Variants in CSMD1 observed in about 807,000 individuals in gnomAD.
The protein encoded by CSMD1 is CUB and sushi domain-containing protein 1.
CSMD1 carries 213 observed loss-of-function variants against 417.5 expected under a neutral mutation model. The ratio of observed to expected loss-of-function variants is 0.51; its 90% CI spans 0.46 to 0.57. The LOEUF is 0.57. CSMD1 is among the 20% of genes least tolerant of loss of function. The pLI is 0.00. For synonymous variants in CSMD1, 2,862 were observed against 1,736.8 expected (o/e 1.65, Z -16.11); for missense variants, 6,923 against 4,529.7 (o/e 1.53, Z -15.17).
chr8:4,688,637 T>C (rs1435183005), intron 1 of CSMD1, among the ~76,000 whole-genome samples: 1 of 152,066 alleles, frequency 6.6e-6, no homozygotes, highest in African/African-American at 2.4e-5. Flanking sequence ...TCAGAGCCAT[T>C]TGGGGGGGTC....
intron 1 of CSMD1, among the ~76,000 whole-genome samples, chr8:4,817,957 A>G (rs1428408198): frequency 6.6e-6 from 1 of 152,214 alleles, no homozygotes; most frequent in African/African-American, 2.4e-5. Flanking sequence ...CCCTAGCATT[A>G]GGTACAGTTA....
At chr8:4,124,779 G>C (rs558948113) in intron 3 of CSMD1, among the ~76,000 whole-genome samples, 176 of 152,204 alleles carry the variant, frequency 1.2e-3, no homozygotes, top group African/African-American at 3.3e-3. Flanking sequence ...AATCATATAG[G>C]AAGTTTAAGC....
At chr8:4,492,797 T>C (rs1376644077) in intron 2 of CSMD1, among the ~76,000 whole-genome samples, 1 of 152,204 alleles carries the variant, frequency 6.6e-6, no homozygotes, top group Admixed American at 6.5e-5. Flanking sequence ...TCTTGATCCT[T>C]ATTCAGAGCA....
At chr8:3,534,683 T>A (rs1430333336) in intron 10 of CSMD1, among the ~76,000 whole-genome samples, 2 of 152,248 alleles carry the variant, frequency 1.3e-5, no homozygotes, top group African/African-American at 4.8e-5. Flanking sequence ...AACCATTGTG[T>A]ACATCCTTTT....
At chr8:4,288,972 C>A (rs1420724882) in intron 3 of CSMD1, among the ~76,000 whole-genome samples, 1 of 152,028 alleles carries the variant, frequency 6.6e-6, no homozygotes, top group East Asian at 1.9e-4. Flanking sequence ...AATGGTGATA[C>A]GTGCATAAAA....
At chr8:3,309,733 G>T (rs1459930251) in intron 23 of CSMD1, among the ~76,000 whole-genome samples, 1 of 152,156 alleles carries the variant, frequency 6.6e-6, no homozygotes, top group Admixed American at 6.6e-5. Context: ...AAATGAATTT[G>T]TGACTTCTGC....
intron 3 of CSMD1, among the ~76,000 whole-genome samples, chr8:4,359,255 C>CT (rs1166083384): frequency 6.6e-6 from 1 of 152,162 alleles, no homozygotes; most frequent in East Asian, 1.9e-4. Context: ...TTACTTCACT[C>CT]TTCAAGAATA....
chr8:3,388,928 C>G (rs1213996408), intron 17 of CSMD1, among the ~76,000 whole-genome samples: 1 of 101,058 alleles, frequency 9.9e-6, no homozygotes, highest in Non-Finnish European at 2.1e-5. Context: ...CACACACACA[C>G]ACACACACAC....
chr8:4,188,475 C>G (rs1563244870), intron 3 of CSMD1, among the ~76,000 whole-genome samples: 1 of 152,014 alleles, frequency 6.6e-6, no homozygotes, highest in Non-Finnish European at 1.5e-5. Context: ...GGAAAAGGGT[C>G]CATCAACCAT....
intron 1 of CSMD1, among the ~76,000 whole-genome samples, chr8:4,806,827 T>C (rs1320024369): frequency 6.6e-6 from 1 of 152,100 alleles, no homozygotes; most frequent in Admixed American, 6.5e-5. Flanking sequence ...AGGGAAGCAG[T>C]AAAAGATGAA....
intron 25 of CSMD1, among the ~76,000 whole-genome samples, chr8:3,295,459 G>C (rs530992966): frequency 2.4e-4 from 36 of 152,080 alleles, no homozygotes; most frequent in African/African-American, 8.0e-4. Flanking sequence ...GGGAGAGACC[G>C]TTATACTGAA....
intron 1 of CSMD1, among the ~76,000 whole-genome samples, chr8:4,910,252 T>C: frequency 6.6e-6 from 1 of 152,048 alleles, no homozygotes; most frequent in East Asian, 1.9e-4. Flanking sequence ...TACACTTCCA[T>C]TGTATTATCT....
At chr8:3,594,895 G>T (rs935827802) in intron 8 of CSMD1, among the ~76,000 whole-genome samples, 13 of 152,236 alleles carry the variant, frequency 8.5e-5, no homozygotes, top group African/African-American at 3.1e-4. Context: ...AATACCTTTG[G>T]AACTAATGTG....
rs144702360 is a variant in CSMD1, at chr8:3,983,328, C to T, written c.818+14575G>A. On this transcript the variant is annotated intron_variant, in intron 5 of 69. Coordinates refer to ENST00000635120, the MANE Select transcript of CSMD1 (RefSeq NM_033225.6). The stretch of plus-strand genomic sequence containing the variant: ...TGTATTTTTAGTAGAGATGGGGTTT[C>T]ACCGTGTTGGCCAGGATGGTCTCCA... Among the ~76,000 whole-genome samples the T allele has an allele frequency of 6.1e-3, 923 of 152,132 alleles. 13 individuals are homozygous for T. Among genetic ancestry groups the T allele is most frequent in the African/African-American group, 0.021 (889 of 41,498 alleles).
chr8:4,243,243 C>T (rs1418793563), intron 3 of CSMD1, among the ~76,000 whole-genome samples: 1 of 152,106 alleles, frequency 6.6e-6, no homozygotes, highest in Admixed American at 6.5e-5. Context: ...AAGGGGAGAT[C>T]ACCAGCTCAG....
intron 1 of CSMD1, among the ~76,000 whole-genome samples, chr8:4,918,526 T>C (rs1806222302): frequency 6.6e-6 from 1 of 151,812 alleles, no homozygotes; most frequent in South Asian, 2.1e-4. Context: ...GACAGGGATA[T>C]AAATGTGAAA....
At chr8:3,103,309 C>T (rs1815891932) in intron 46 of CSMD1, among the ~76,000 whole-genome samples, 1 of 152,086 alleles carries the variant, frequency 6.6e-6, no homozygotes, top group Non-Finnish European at 1.5e-5. Context: ...GTTATTGGGA[C>T]ATGAAAAATA....
At chr8:4,253,071 C>T (rs187611313) in intron 3 of CSMD1, among the ~76,000 whole-genome samples, 53 of 152,300 alleles carry the variant, frequency 3.5e-4, no homozygotes, top group Non-Finnish European at 3.8e-4. Flanking sequence ...ACTACAAGCT[C>T]TTAGAGGAAA....
intron 3 of CSMD1, among the ~76,000 whole-genome samples, chr8:4,187,531 C>A (rs1467899116): frequency 6.6e-6 from 1 of 152,040 alleles, no homozygotes; most frequent in East Asian, 1.9e-4. Context: ...GTAATCCCAG[C>A]TACTTGGGAG....
Sources: gnomAD v4.1 joint callset for allele counts (sites outside exome capture counted in the v4.1 genomes callset) on GRCh38, gnomAD v4.1.1 for gene constraint, MANE v1.5 for transcripts, NCBI Gene and HGNC (gene_info 2026-07-23, HGNC 2026-07-21) for gene names.